Variants in TKFC observed in about 807,000 individuals in gnomAD.
TKFC encodes triokinase/FMN cyclase.
A neutral mutation model predicts 61.0 loss-of-function variants in TKFC; 46 were observed. The observed-to-expected ratio is 0.75, with a 90% CI of 0.60 to 0.96. The LOEUF (loss-of-function observed/expected upper bound fraction) is 0.96, where lower values mean the gene tolerates loss of function less well. TKFC is among the 50% of genes least tolerant of loss of function. The pLI is 0.00. For synonymous variants in TKFC, 314 were observed against 330.1 expected, an observed-to-expected ratio of 0.95 and a Z score of 0.53; for missense variants, 715 against 777.5, an observed-to-expected ratio of 0.92 and a Z score of 0.96.
At chr11:61,334,243 C>A (rs941893777) in intron 1 of TKFC, 16 of 160,630 alleles carry the variant, frequency 1.0e-4, no homozygotes, top group Admixed American at 2.4e-4. Context: ...CTAGCTCCCC[C>A]CATTCCCTTC....
intron 5 of TKFC, 137 bp from the exon 6 acceptor site, chr11:61,341,299 A>G (rs1447568273): frequency 1.1e-6 from 1 of 911,366 alleles, no homozygotes; most frequent in Non-Finnish European, 1.7e-6. Context: ...TCTGCCCTAA[A>G]TGTGATGGGC....
intron 11 of TKFC, 102 bp downstream of exon 11, chr11:61,343,560 G>A (rs1856968964): frequency 2.7e-6 from 3 of 1,106,864 alleles, no homozygotes; most frequent in Admixed American, 2.0e-5. Context: ...GACAATCAGG[G>A]CTCTGGAGCC....
chr11:61,339,927 T>C (rs1328994070), intron 5 of TKFC, among the ~76,000 whole-genome samples: 1 of 152,194 alleles, frequency 6.6e-6, no homozygotes, highest in Non-Finnish European at 1.5e-5. Context: ...ATACAAGCCC[T>C]CACCATAGCT....
chr11:61,346,590 A>C lies in TKFC; in HGVS notation c.*87A>C. 6.7e-7 allele frequency: 1 copy of C among 1,499,480 alleles called. No homozygotes were observed. The highest frequency in any genetic ancestry group is 1.3e-5 in the South Asian group (1 of 76,448). 92.9% of individuals were successfully genotyped at this position (1,499,480 alleles called of 1,614,324 possible). A position where few individuals can be genotyped will look rare whatever the true frequency, so the allele number is the denominator to read the frequency against. The stretch of plus-strand genomic sequence containing the variant: ...CACTTCCTTCTGCCTTCCAACCCTC[A>C]CCTTCCCCCGGCCTGGCCCCATTGG... On this transcript the variant is annotated 3_prime_UTR_variant, in exon 18 of 18. Transcript: ENST00000394900. The surrounding 1 kb of genome is among the most constrained non-coding windows in gnomAD (Gnocchi z 4.1).
intron 10 of TKFC, 39 bp from the exon 11 acceptor site, chr11:61,343,303 C>T (rs749983859): frequency 3.2e-6 from 5 of 1,572,384 alleles, no homozygotes; most frequent in African/African-American, 2.7e-5. Flanking sequence ...CCCTGATGCC[C>T]ATTTTTCCCT....
downstream of TKFC, chr11:61,352,892 T>C (rs768026191): frequency 6.3e-7 from 1 of 1,594,896 alleles, no homozygotes; most frequent in South Asian, 1.1e-5. Context: ...AAATCTCTCC[T>C]CCCTTGGGTG....
chr11:61,335,386 C>G (rs1856564381), intron 2 of TKFC: 3 of 153,112 alleles, frequency 2.0e-5, no homozygotes, highest in Non-Finnish European at 4.4e-5. Context: ...TCCATCCTTT[C>G]AGGCCACTGA....
Position 61,347,626 on chromosome 11 carries a change from C to A in TKFC, c.*1123C>A, listed in dbSNP as rs180853926. On this transcript the variant is annotated 3_prime_UTR_variant, in exon 18 of 18. Transcript: ENST00000394900. The stretch of plus-strand genomic sequence containing the variant: ...CGATCACTGATGGCACCAGGGTGAG[C>A]AGGGGCACTGTATGCATGTGGAGAC... The A allele has an allele frequency of 2.2e-4, 219 of 985,056 alleles. No homozygotes were observed. In the African/African-American group the frequency reaches 3.7e-3, roughly 17 times the overall value. 61.0% of individuals were successfully genotyped at this position (985,056 alleles called of 1,614,324 possible).
rs896492229 is a variant in TKFC at position 61,334,159 on chromosome 11, C to T, written c.-109-461C>T. 8 of 152,638 alleles carry T rather than the reference C, an allele frequency of 5.2e-5. 1 individual carries two copies. The highest frequency in any genetic ancestry group is 4.6e-4 in the Admixed American group (7 of 15,322). The allele number at this position is 152,638 out of a possible 1,614,324, so 9.5% of individuals were successfully genotyped here. On this transcript the variant is annotated intron_variant, in intron 1 of 17. Transcript: ENST00000394900. The stretch of plus-strand genomic sequence containing the variant: ...ACATTGGTTTAGATTCTGGCTGTTA[C>T]CTGTATTACCTTGGACAAGTCCCTA...
intron 2 of TKFC, chr11:61,335,931 A>G (rs1856590191): frequency 6.6e-6 from 1 of 152,410 alleles, no homozygotes; most frequent in East Asian, 1.9e-4. Context: ...AGTAGCTGGA[A>G]TTACAGGCAT....
chr11:61,346,225 G>A lies in TKFC; in HGVS notation c.1576-126G>A. On this transcript the variant is annotated intron_variant, in intron 17 of 17. Coordinates refer to ENST00000394900, the MANE Select transcript of TKFC (RefSeq NM_015533.4). The surrounding 1 kb of genome is among the most constrained non-coding windows in gnomAD (Gnocchi z 4.1). ...CTTTCCATTTGGTGACAGAGCAGAG[G>A]GTGCTGGCAGAGCCAGGGCAAGGGC... The A allele has an allele frequency of 6.5e-7, 1 of 1,547,276 alleles. No homozygotes were observed. The highest frequency in any genetic ancestry group is 1.4e-5 in the African/African-American group (1 of 73,154).
chr11:61,340,769 C>T (rs946065492), intron 5 of TKFC, among the ~76,000 whole-genome samples: 15 of 152,172 alleles, frequency 9.9e-5, no homozygotes, highest in African/African-American at 3.6e-4. Context: ...CTTGTCCAGC[C>T]TCCTTTTGGC....
At chr11:61,338,198 G>A in intron 3 of TKFC, 68 bp downstream of exon 3, 3 of 1,428,766 alleles carry the variant, frequency 2.1e-6, no homozygotes, top group Non-Finnish European at 2.8e-6. Flanking sequence ...GATCCTTAGT[G>A]CTGCCATGAA....
Position 61,347,062 on chromosome 11 carries a change from G to C in TKFC, c.*559G>C. 2.0e-6 allele frequency: 2 copies of C among 985,660 alleles called. No individual in the cohort carries two copies. Among genetic ancestry groups the C allele is most frequent in the African/African-American group, 3.5e-5 (2 of 57,294 alleles). The allele number at this position is 985,660 out of a possible 1,614,324, so 61.1% of individuals were successfully genotyped here. Reference sequence around the variant, plus strand: ...CCTAAGGCAGTGTCTCCTCAGCTGGGCTGCTTCCACTGAGACCCCCGACCC... The same window carrying C: ...CCTAAGGCAGTGTCTCCTCAGCTGGCCTGCTTCCACTGAGACCCCCGACCC... On this transcript the variant is annotated 3_prime_UTR_variant, in exon 18 of 18. Transcript: ENST00000394900.
At chr11:61,350,403 TC>T, downstream of TKFC, 1 of 1,610,670 alleles carries the variant, frequency 6.2e-7, no homozygotes, top group Non-Finnish European at 8.5e-7. Context: ...GCTGCTTCAC[TC>T]CCCATCATGC....
At chr11:61,353,025 A>C (rs1208346335), downstream of TKFC, 8 of 1,614,182 alleles carry the variant, frequency 5.0e-6, 1 homozygote, top group South Asian at 6.6e-5. Flanking sequence ...GAAATGACGG[A>C]TGCGATGGAC....
chr11:61,350,941 C>A (rs774288508), downstream of TKFC: 1 of 1,571,998 alleles, frequency 6.4e-7, no homozygotes, highest in African/African-American at 1.4e-5. Context: ...GGAGATCCTT[C>A]TCTAGACCTG....
chr11:61,344,883 G>A (rs769472019), intron 13 of TKFC, among the ~76,000 whole-genome samples: 1 of 152,238 alleles, frequency 6.6e-6, no homozygotes, highest in Non-Finnish European at 1.5e-5. Context: ...GCTCTCAGCT[G>A]TGGATACAGT....
At chr11:61,336,919 C>A (rs1590716988) in intron 2 of TKFC, among the ~76,000 whole-genome samples, 1 of 152,160 alleles carries the variant, frequency 6.6e-6, no homozygotes, top group Admixed American at 6.5e-5. Flanking sequence ...GGCTTATGCT[C>A]CCCCTCTGGC....
Sources: allele counts gnomAD v4.1 joint callset (sites outside exome capture counted in the v4.1 genomes callset), GRCh38; gene constraint gnomAD v4.1.1; non-coding constraint Gnocchi (gnomAD v3.1); transcripts MANE v1.5; gene names NCBI Gene and HGNC (gene_info 2026-07-23, HGNC 2026-07-21).